The following SLCO3A1 variants were observed in gnomAD, a reference collection of about 807,000 sequenced individuals.
SLCO3A1 encodes the protein solute carrier organic anion transporter family member 3A1.
In SLCO3A1, 27 loss-of-function variants were observed where a neutral mutation model predicts 63.1. That is an observed-to-expected ratio of 0.43 (90% CI 0.32 to 0.59). The LOEUF (loss-of-function observed/expected upper bound fraction) is 0.59, where lower values mean the gene tolerates loss of function less well. Ranked by LOEUF, SLCO3A1 falls within the 20% of genes least tolerant of loss-of-function variation. SLCO3A1 has a pLI of 0.09. For missense variants in SLCO3A1, 773 were observed against 945.8 expected (o/e 0.82, Z 2.40); for synonymous variants, 473 against 409.9 (o/e 1.15, Z -1.86).
intron 2 of SLCO3A1, among the ~76,000 whole-genome samples, chr15:91,925,185 G>A (rs149853387): frequency 1.3e-5 from 2 of 152,172 alleles, no homozygotes; most frequent in Non-Finnish European, 2.9e-5. Flanking sequence ...CATGCGTATT[G>A]TTTCTCTTCA....
intron 2 of SLCO3A1, among the ~76,000 whole-genome samples, chr15:91,992,755 A>C (rs1302232722): frequency 6.6e-6 from 1 of 152,196 alleles, no homozygotes; most frequent in Non-Finnish European, 1.5e-5. Flanking sequence ...AGCATCTTGG[A>C]AGATACATAC....
intron 2 of SLCO3A1, among the ~76,000 whole-genome samples, chr15:92,069,254 T>A (rs1251092723): frequency 6.6e-6 from 1 of 152,220 alleles, no homozygotes; most frequent in Non-Finnish European, 1.5e-5. Context: ...AACAGCCCCA[T>A]GCCAGGAATT....
At chr15:91,938,624 A>G (rs1899505172) in intron 2 of SLCO3A1, among the ~76,000 whole-genome samples, 1 of 152,074 alleles carries the variant, frequency 6.6e-6, no homozygotes, top group Non-Finnish European at 1.5e-5. Flanking sequence ...AGACAACTAT[A>G]AAAGGTAGTA....
chr15:91,866,225 A>G (rs1897160883), intron 1 of SLCO3A1, among the ~76,000 whole-genome samples: 1 of 152,218 alleles, frequency 6.6e-6, no homozygotes, highest in Non-Finnish European at 1.5e-5. Context: ...ATGTAAAAAA[A>G]AATCCTAGAC....
chr15:92,075,948 C>A (rs2047271356), intron 2 of SLCO3A1, among the ~76,000 whole-genome samples: 1 of 152,188 alleles, frequency 6.6e-6, no homozygotes, highest in Admixed American at 6.5e-5. Context: ...CATCCTGTTC[C>A]TATCAGAAAA....
intron 2 of SLCO3A1, among the ~76,000 whole-genome samples, chr15:92,041,710 G>A (rs1047851493): frequency 4.6e-5 from 7 of 152,130 alleles, no homozygotes; most frequent in South Asian, 2.1e-4. Flanking sequence ...TCCTTCCTGC[G>A]TGTCACCTGA....
intron 2 of SLCO3A1, among the ~76,000 whole-genome samples, chr15:92,051,726 A>C (rs2046959894): frequency 1.3e-5 from 2 of 152,108 alleles, no homozygotes; most frequent in African/African-American, 4.8e-5. Context: ...CTGAGAGATG[A>C]GAAATGGCAG....
At chr15:91,977,024 A>G (rs1045995812) in intron 2 of SLCO3A1, among the ~76,000 whole-genome samples, 12 of 152,076 alleles carry the variant, frequency 7.9e-5, no homozygotes, top group Non-Finnish European at 1.5e-4. Flanking sequence ...TTAGGTGGGA[A>G]TTTCCTCTTC....
intron 4 of SLCO3A1, among the ~76,000 whole-genome samples, chr15:92,112,019 A>G (rs1206269563): frequency 2.0e-5 from 3 of 152,238 alleles, no homozygotes; most frequent in Non-Finnish European, 4.4e-5. Flanking sequence ...CTTCCAGAAT[A>G]CAGAGTAGAA....
intron 2 of SLCO3A1, among the ~76,000 whole-genome samples, chr15:92,022,046 G>T (rs1433941971): frequency 6.6e-6 from 1 of 152,110 alleles, no homozygotes; most frequent in Non-Finnish European, 1.5e-5. Flanking sequence ...TAGTGATGAG[G>T]CAGGAAATCC....
rs777771745 is a variant in SLCO3A1 at position 92,162,979 on chromosome 15, C to A, written c.1977C>A (p.His659Gln). Residue 659 changes from histidine (H) to glutamine (Q), a missense_variant, in exon 10 of 10, where the codon CAC becomes CAA. Physicochemically the swap from His to Gln is conservative, Grantham distance 24 (BLOSUM62 0). Coordinates refer to ENST00000318445, the MANE Select transcript of SLCO3A1 (RefSeq NM_013272.4). The part of the protein sequence containing the change: ...RKNYKRYIKN[H>Q]EGGLSTSEFF... The stretch of plus-strand genomic sequence containing the variant: ...ACTATAAACGCTACATCAAAAACCA[C>A]GAGGGCGGGCTGAGCACCAGTGAGT... 6.2e-7 allele frequency: 1 copy of A among 1,613,938 alleles called. No individual in the cohort carries two copies. The highest frequency in any genetic ancestry group is 1.3e-5 in the African/African-American group (1 of 75,022).
At chr15:92,052,638 C>G (rs759481217) in intron 2 of SLCO3A1, among the ~76,000 whole-genome samples, 2 of 152,174 alleles carry the variant, frequency 1.3e-5, no homozygotes, top group African/African-American at 2.4e-5. Context: ...TTATATGCAG[C>G]CTGGCTCCAT....
Position 91,931,473 on chromosome 15 carries a change from C to CT in SLCO3A1, c.646+15030dup, listed in dbSNP as rs36006689. Among the ~76,000 whole-genome samples, 507 of 142,722 alleles carry CT rather than the reference C, an allele frequency of 3.6e-3. 1 individual carries two copies. The highest frequency in any genetic ancestry group is 0.014 in the Middle Eastern group (4 of 278). The allele number at this position is 142,722 out of a possible 152,430, so 93.6% of individuals were successfully genotyped here. A position where few individuals can be genotyped will look rare whatever the true frequency, so the allele number is the denominator to read the frequency against. On this transcript the variant is annotated intron_variant, in intron 2 of 9. Coordinates refer to ENST00000318445, the MANE Select transcript of SLCO3A1 (RefSeq NM_013272.4). ...CCCTGCTTCTTCTGCTGGGTTGTAT[C>CT]TTTTTTTTTTTTTTTGAGACAGAGT... is the stretch of plus-strand genomic sequence containing the variant.
At chr15:92,146,857 T>C (rs1358468147) in intron 7 of SLCO3A1, 127 bp from the exon 8 acceptor site, 1 of 811,602 alleles carries the variant, frequency 1.2e-6, no homozygotes, top group Non-Finnish European at 1.9e-6. Context: ...AACTCGTTTA[T>C]TCAGGCCTAA....
Position 92,126,268 on chromosome 15 carries a change from TG to T in SLCO3A1, c.1373+11del. The stretch of plus-strand genomic sequence containing the variant: ...GTTCCCTATGGAAACAGGTGAGTAC[TG>T]GCAGTGTCTGCCGCCTTCCTGCCTG... On this transcript the variant is annotated intron_variant, in intron 6 of 9. Transcript: ENST00000318445. 1.9e-6 allele frequency: 3 copies of T among 1,612,018 alleles called. No homozygotes were observed. The highest frequency in any genetic ancestry group is 2.5e-6 in the Non-Finnish European group (3 of 1,178,138).
At chr15:92,095,667 T>G (rs1242846204) in intron 3 of SLCO3A1, among the ~76,000 whole-genome samples, 1 of 152,190 alleles carries the variant, frequency 6.6e-6, no homozygotes, top group Non-Finnish European at 1.5e-5. Context: ...CTCAGTGATT[T>G]TATACAACTA....
intron 2 of SLCO3A1, among the ~76,000 whole-genome samples, chr15:92,090,982 G>A (rs1490648898): frequency 1.3e-5 from 2 of 152,174 alleles, no homozygotes; most frequent in Admixed American, 1.3e-4. Flanking sequence ...CATGGAGCTG[G>A]GAAGTGGTAG....
chr15:92,124,348 A>G (rs1221888880), intron 5 of SLCO3A1, among the ~76,000 whole-genome samples: 1 of 152,140 alleles, frequency 6.6e-6, no homozygotes, highest in African/African-American at 2.4e-5. Flanking sequence ...GGGCCTGACA[A>G]TGGCTTGGAG....
chr15:92,167,154 G>A (rs2151608248), downstream of SLCO3A1, among the ~76,000 whole-genome samples: 1 of 152,346 alleles, frequency 6.6e-6, no homozygotes, highest in South Asian at 2.1e-4. Flanking sequence ...AACAGATGGA[G>A]AATACTTCCC....
Sources: gnomAD v4.1 joint callset for allele counts (sites outside exome capture counted in the v4.1 genomes callset) on GRCh38, gnomAD v4.1.1 for gene constraint, MANE v1.5 for transcripts, NCBI Gene and HGNC (gene_info 2026-07-23, HGNC 2026-07-21) for gene names.